FGF14: variants seen among roughly 807,000 people sequenced by gnomAD.
The protein encoded by FGF14 is fibroblast growth factor homologous factor 4.
Under a neutral mutation model 25.5 loss-of-function variants are expected in FGF14, and 5 were observed. The ratio of observed to expected loss-of-function variants is 0.20; its 90% CI spans 0.10 to 0.41. FGF14 has a LOEUF of 0.41. Ranked by LOEUF, FGF14 falls within the 10% of genes least tolerant of loss-of-function variation. The pLI is 1.00. For synonymous variants in FGF14, 138 were observed against 118.3 expected, an observed-to-expected ratio of 1.17 and a Z score of -1.08; for missense variants, 222 against 320.1, an observed-to-expected ratio of 0.69 and a Z score of 2.34.
chr13:101,852,571 T>G (rs1462439733), intron 3 of FGF14, among the ~76,000 whole-genome samples: 1 of 147,352 alleles, frequency 6.8e-6, no homozygotes, highest in African/African-American at 2.5e-5. Context: ...TTGGGGTAAG[T>G]GCTTTTAAAT....
At position 102,399,849 on chromosome 13, in the gene FGF14, T is replaced by C. The variant is rs114222061; in HGVS notation, c.208+1622A>G. Among the ~76,000 whole-genome samples, 843 of 152,132 alleles carry C rather than the reference T, an allele frequency of 5.5e-3. 5 individuals carry two copies. Among genetic ancestry groups the C allele is most frequent in the African/African-American group, 0.017 (708 of 41,500 alleles). On this transcript the variant is annotated intron_variant, in intron 1 of 4. Transcript: ENST00000376131. ...ACTCAGGGCAGAGCCCAGAGCCCACTGCAGCACCGAGTCCACGGAGCAGCC... is the reference window on the plus strand; with the variant it reads ...ACTCAGGGCAGAGCCCAGAGCCCACCGCAGCACCGAGTCCACGGAGCAGCC...
chr13:102,362,653 T>C (rs1161863175), intron 1 of FGF14, among the ~76,000 whole-genome samples: 1 of 152,214 alleles, frequency 6.6e-6, no homozygotes, highest in African/African-American at 2.4e-5. Context: ...TTAGCACTTG[T>C]ATGTTCAATA....
chr13:101,910,793 A>T (rs1489752162), intron 1 of FGF14, among the ~76,000 whole-genome samples: 1 of 145,732 alleles, frequency 6.9e-6, no homozygotes, highest in Non-Finnish European at 1.5e-5. Flanking sequence ...ACTGGCTTTA[A>T]ATTGCATTGA....
At chr13:101,928,395 GGTGTGT>G (rs149758126) in intron 1 of FGF14, among the ~76,000 whole-genome samples, 24 of 148,028 alleles carry the variant, frequency 1.6e-4, no homozygotes, top group Admixed American at 8.1e-4. Flanking sequence ...AACTTGCTGT[GGTGTGT>G]GTGTGTGTGT....
At chr13:101,912,945 A>T (rs373806494) in intron 1 of FGF14, among the ~76,000 whole-genome samples, 1 of 152,022 alleles carries the variant, frequency 6.6e-6, no homozygotes, top group African/African-American at 2.4e-5. Context: ...TGCAGAAAAC[A>T]CAGACTTTGC....
chr13:101,900,701 C>T (rs189021684), intron 1 of FGF14, among the ~76,000 whole-genome samples: 9 of 152,086 alleles, frequency 5.9e-5, no homozygotes, highest in Admixed American at 3.3e-4. Flanking sequence ...ACATGAGGAG[C>T]GTTTCTTGGG....
intron 1 of FGF14, among the ~76,000 whole-genome samples, chr13:102,227,215 C>G (rs761364153): frequency 6.6e-6 from 1 of 152,108 alleles, no homozygotes; most frequent in Non-Finnish European, 1.5e-5. Context: ...TAGGCTACTC[C>G]TTTAGGGCTG....
At chr13:101,828,109 TAC>T (rs575749670) in intron 3 of FGF14, among the ~76,000 whole-genome samples, 32 of 152,076 alleles carry the variant, frequency 2.1e-4, no homozygotes, top group South Asian at 6.2e-4. Flanking sequence ...TAAATATGCA[TAC>T]ACACACACAT....
rs12018537 is a variant in FGF14 at position 102,157,745 on chromosome 13, A to T, written c.208+243726T>A. On this transcript the variant is annotated intron_variant, in intron 1 of 4. Transcript: ENST00000376131. The stretch of plus-strand genomic sequence containing the variant: ...CAGAGTGAATAGGCAACCTACAGAA[A>T]GGGAGAAAGTTTTTGCAATCTACTC... Among the ~76,000 whole-genome samples the T allele has an allele frequency of 3.8e-3, 573 of 152,242 alleles. 6 individuals are homozygous for T. The highest frequency in any genetic ancestry group is 0.012 in the African/African-American group (503 of 41,558).
intron 1 of FGF14, among the ~76,000 whole-genome samples, chr13:102,100,004 C>A (rs553253063): frequency 2.8e-4 from 43 of 152,182 alleles, no homozygotes; most frequent in Admixed American, 1.6e-3. Flanking sequence ...GCTTAGACAA[C>A]TATAGACATG....
At chr13:102,299,053 T>C (rs1269980155) in intron 1 of FGF14, among the ~76,000 whole-genome samples, 1 of 152,142 alleles carries the variant, frequency 6.6e-6, no homozygotes, top group Non-Finnish European at 1.5e-5. Context: ...AATCTATCTT[T>C]CTCAATGATG....
Position 102,008,195 on chromosome 13 carries a change from C to T in FGF14, c.209-132899G>A, listed in dbSNP as rs148744238. Among the ~76,000 whole-genome samples the T allele has an allele frequency of 3.1e-3, 474 of 152,286 alleles. 3 individuals carry two copies. Among genetic ancestry groups the T allele is most frequent in the Non-Finnish European group, 4.6e-3 (316 of 68,008 alleles). On this transcript the variant is annotated intron_variant, in intron 1 of 4. Transcript: ENST00000376131. ...CCATCTAATTGGTGTGTATCTATTA[C>T]GTATGCATGGGCTGCTAGAGACTGG...
At chr13:102,248,222 C>CA (rs2051983549) in intron 1 of FGF14, among the ~76,000 whole-genome samples, 1 of 152,240 alleles carries the variant, frequency 6.6e-6, no homozygotes, top group Admixed American at 6.5e-5. Context: ...CAAACCTGCA[C>CA]ATGTACCCTT....
chr13:101,960,562 T>C (rs1042658481), intron 1 of FGF14, among the ~76,000 whole-genome samples: 1 of 152,258 alleles, frequency 6.6e-6, no homozygotes. Flanking sequence ...ATAGTGTATA[T>C]GTACCACATT....
At chr13:101,883,816 A>G (rs1473430326) in intron 1 of FGF14, among the ~76,000 whole-genome samples, 2 of 151,962 alleles carry the variant, frequency 1.3e-5, no homozygotes, top group Non-Finnish European at 2.9e-5. Flanking sequence ...TAATCCCAGC[A>G]CTTTGGGAGG....
intron 1 of FGF14, among the ~76,000 whole-genome samples, chr13:101,962,563 A>G (rs1036460944): frequency 2.0e-5 from 3 of 152,204 alleles, no homozygotes; most frequent in Non-Finnish European, 4.4e-5. Context: ...AACACTATTG[A>G]AAAATAGACA....
intron 1 of FGF14, chr13:102,016,993 G>T (rs759537496): frequency 2.5e-5 from 4 of 157,248 alleles, no homozygotes; most frequent in African/African-American, 4.8e-5. Flanking sequence ...GGGGCAAGAG[G>T]CAAGTAGAAC....
At chr13:101,765,901 G>C (rs938412028) in intron 3 of FGF14, among the ~76,000 whole-genome samples, 2 of 151,918 alleles carry the variant, frequency 1.3e-5, no homozygotes, top group Non-Finnish European at 2.9e-5. Context: ...GCTAATTTTT[G>C]TACTTTTAGT....
chr13:102,197,078 G>A (rs1170779444), intron 1 of FGF14, among the ~76,000 whole-genome samples: 1 of 151,982 alleles, frequency 6.6e-6, no homozygotes, highest in Non-Finnish European at 1.5e-5. Context: ...TGCTAGGATG[G>A]GTTCTCAGGA....
Sources: allele counts gnomAD v4.1 joint callset (sites outside exome capture counted in the v4.1 genomes callset), GRCh38; gene constraint gnomAD v4.1.1; transcripts MANE v1.5; gene names NCBI Gene and HGNC (gene_info 2026-07-23, HGNC 2026-07-21).